Variants in INTS6L observed in about 807,000 individuals in gnomAD.
INTS6L encodes integrator complex subunit 6 like.
In INTS6L, 18 loss-of-function variants were observed where a neutral mutation model predicts 64.7. The observed-to-expected ratio is 0.28, with a 90% CI of 0.19 to 0.41. INTS6L has a LOEUF of 0.41. Among genes scored for constraint, INTS6L ranks in the 10% least tolerant of loss-of-function variants. INTS6L has a pLI of 1.00. For missense variants in INTS6L, 533 were observed against 661.0 expected (o/e 0.81, Z 2.12); for synonymous variants, 227 against 235.9 (o/e 0.96, Z 0.34).
chrX:135,562,957 A>G (rs2086828296), intron 9 of INTS6L, among the ~76,000 whole-genome samples: 1 of 111,856 alleles, frequency 8.9e-6, no homozygotes, highest in Non-Finnish European at 1.9e-5. Flanking sequence ...TGATGTATTT[A>G]GATATCTGCA....
At chrX:135,562,066 CTTTTT>C (rs61021087) in intron 9 of INTS6L, among the ~76,000 whole-genome samples, 9,271 of 109,564 alleles carry the variant, frequency 0.085, 642 homozygotes, top group African/African-American at 0.22. Flanking sequence ...TTTTGCTTTT[CTTTTT>C]TGATTCTTGG....
chrX:135,570,878 G>A, intron 11 of INTS6L: 1 of 184,303 alleles, frequency 5.4e-6, no homozygotes, highest in Non-Finnish European at 1.0e-5. Flanking sequence ...GATCACTCTG[G>A]GCTACAGCAT....
intron 13 of INTS6L, 36 bp from the exon 14 acceptor site, chrX:135,575,048 C>T: frequency 8.3e-7 from 1 of 1,203,865 alleles, no homozygotes; most frequent in Non-Finnish European, 1.1e-6. Context: ...TACGCTTCAG[C>T]TATAAGCATC....
intron 9 of INTS6L, among the ~76,000 whole-genome samples, chrX:135,562,003 A>AT (rs1228001031): frequency 1.5e-3 from 165 of 110,280 alleles, no homozygotes; most frequent in African/African-American, 4.9e-3. Context: ...AATCTTATCA[A>AT]TTTTTTTTTA....
At chrX:135,571,821 T>C (rs1343580365) in intron 11 of INTS6L, 1 of 111,906 alleles carries the variant, frequency 8.9e-6, no homozygotes, top group African/African-American at 3.3e-5. Context: ...TTAATGCAAG[T>C]TCTGGGACCT....
At chrX:135,556,584 G>A (rs1215731809) in intron 9 of INTS6L, among the ~76,000 whole-genome samples, 1 of 111,645 alleles carries the variant, frequency 9.0e-6, no homozygotes, top group Non-Finnish European at 1.9e-5. Context: ...TGGCTTTTTT[G>A]TATAGTTTGG....
At chrX:135,547,353 A>G in intron 6 of INTS6L, 88 bp downstream of exon 6, 2 of 978,338 alleles carry the variant, frequency 2.0e-6, no homozygotes, top group Non-Finnish European at 2.8e-6. Flanking sequence ...AGTCTTCACT[A>G]TCCACGTGCA....
chrX:135,554,883 CTTTTTTTTTTTT>C (rs35845600), intron 8 of INTS6L, among the ~76,000 whole-genome samples: 3 of 50,474 alleles, frequency 5.9e-5, no homozygotes, highest in South Asian at 2.4e-3. Flanking sequence ...ACCAGCATAA[CTTTTTTTTTTTT>C]TTTTTTTTTT....
At chrX:135,553,642 G>A (rs1320183401) in intron 8 of INTS6L, among the ~76,000 whole-genome samples, 1 of 109,910 alleles carries the variant, frequency 9.1e-6, no homozygotes, top group Non-Finnish European at 1.9e-5. Flanking sequence ...TTTTTGACTC[G>A]TGTGCTGTTT....
At chrX:135,542,707 C>T (rs1002734623) in intron 2 of INTS6L, among the ~76,000 whole-genome samples, 23 of 111,655 alleles carry the variant, frequency 2.1e-4, no homozygotes, top group African/African-American at 5.9e-4. Context: ...CAAATCTTAT[C>T]CTAGCCCTTT....
intron 2 of INTS6L, among the ~76,000 whole-genome samples, chrX:135,521,692 C>G (rs1304523769): frequency 2.8e-5 from 3 of 108,787 alleles, no homozygotes; most frequent in Non-Finnish European, 3.8e-5. Flanking sequence ...AAGGAGGGCC[C>G]GAAACCCGGA....
intron 9 of INTS6L, among the ~76,000 whole-genome samples, chrX:135,566,867 G>A (rs1221238545): frequency 2.7e-5 from 3 of 111,578 alleles, no homozygotes; most frequent in African/African-American, 9.8e-5. Flanking sequence ...GAGGACTTGT[G>A]TAAAAAATAA....
intron 3 of INTS6L, among the ~76,000 whole-genome samples, chrX:135,546,011 C>T (rs1556514965): frequency 3.6e-5 from 4 of 112,085 alleles, no homozygotes; most frequent in African/African-American, 1.3e-4. Flanking sequence ...TTGCAGCACG[C>T]AAGTCACTAG....
intron 2 of INTS6L, among the ~76,000 whole-genome samples, chrX:135,533,759 T>G (rs782304757): frequency 8.9e-6 from 1 of 112,428 alleles, no homozygotes; most frequent in Non-Finnish European, 1.9e-5. Flanking sequence ...TGTCCATGTA[T>G]GTTTTTTCCA....
chrX:135,554,287 C>A (rs1168866041), intron 8 of INTS6L, among the ~76,000 whole-genome samples: 1 of 112,141 alleles, frequency 8.9e-6, no homozygotes, highest in African/African-American at 3.2e-5. Flanking sequence ...ATAGATCTGA[C>A]CCTTGACTGC....
intron 9 of INTS6L, among the ~76,000 whole-genome samples, chrX:135,566,180 G>A (rs1395044912): frequency 8.9e-6 from 1 of 111,934 alleles, no homozygotes; most frequent in Non-Finnish European, 1.9e-5. Flanking sequence ...ATCTGTCTAT[G>A]CCTCAGTTTC....
chrX:135,561,847 C>T (rs2086797501), intron 9 of INTS6L, among the ~76,000 whole-genome samples: 1 of 111,289 alleles, frequency 9.0e-6, no homozygotes. Flanking sequence ...CCTTATGGTC[C>T]TTTTGATGTG....
chrX:135,531,086 A>G (rs1282872051), intron 2 of INTS6L, among the ~76,000 whole-genome samples: 2 of 112,240 alleles, frequency 1.8e-5, no homozygotes, highest in African/African-American at 6.5e-5. Context: ...ACTGAAAAAT[A>G]GTACTGTTAA....
intron 2 of INTS6L, 48 bp downstream of exon 2, chrX:135,521,366 G>T (rs1047741781): frequency 2.9e-5 from 33 of 1,139,270 alleles, no homozygotes; most frequent in Non-Finnish European, 3.8e-5. Flanking sequence ...GGAGCAAGTC[G>T]GCGGGGGCTG....
Sources: allele counts gnomAD v4.1 joint callset (sites outside exome capture counted in the v4.1 genomes callset), GRCh38; gene constraint gnomAD v4.1.1; transcripts MANE v1.5; gene names NCBI Gene and HGNC (gene_info 2026-07-23, HGNC 2026-07-21).